The following SNX24 variants were observed in gnomAD, a reference collection of about 807,000 sequenced individuals.
SNX24 encodes sorting nexin 24, also known as sorting nexin-24.
SNX24 carries 22 observed loss-of-function variants against 28.7 expected under a neutral mutation model. The ratio of observed to expected loss-of-function variants is 0.77; its 90% CI spans 0.55 to 1.10. The LOEUF (loss-of-function observed/expected upper bound fraction) is 1.10, where lower values mean the gene tolerates loss of function less well. Ranked by LOEUF, SNX24 falls within the 50% of genes least tolerant of loss-of-function variation. SNX24 has a pLI of 0.00. For synonymous variants in SNX24, 69 were observed against 71.5 expected (o/e 0.96, Z 0.18); for missense variants, 221 against 201.1 (o/e 1.10, Z -0.60).
At chr5:122,992,390 C>T (rs1761892176) in intron 3 of SNX24, among the ~76,000 whole-genome samples, 1 of 152,142 alleles carries the variant, frequency 6.6e-6, no homozygotes, top group African/African-American at 2.4e-5. Flanking sequence ...GAAAAAAATC[C>T]TTCACATGAT....
chr5:122,877,461 C>CA (rs1756276770), intron 1 of SNX24, among the ~76,000 whole-genome samples: 1 of 152,088 alleles, frequency 6.6e-6, no homozygotes. Flanking sequence ...TGGACTGGGA[C>CA]AGTGGCATGG....
intron 1 of SNX24, among the ~76,000 whole-genome samples, chr5:122,893,141 T>C (rs1464439615): frequency 2.0e-5 from 3 of 151,422 alleles, no homozygotes; most frequent in Non-Finnish European, 4.4e-5. Context: ...CTCTCTTGTA[T>C]TTCTATAGAC....
rs182207900 is a variant in SNX24 at position 122,955,329 on chromosome 5, A to G, written c.249+9170A>G. 4.6e-5 allele frequency among the ~76,000 whole-genome samples: 7 copies of G among 152,102 alleles called. 1 individual carries two copies. The highest frequency in any genetic ancestry group is 2.1e-4 in the South Asian group (1 of 4,820). On this transcript the variant is annotated intron_variant, in intron 3 of 6. Coordinates refer to ENST00000261369, the MANE Select transcript of SNX24 (RefSeq NM_014035.4). Reference sequence around the variant, plus strand: ...TATAATTACTCACTGAAAAGTTTTTATTGTGGCTGCTTTAAAATCATTGTC... The same window carrying G: ...TATAATTACTCACTGAAAAGTTTTTGTTGTGGCTGCTTTAAAATCATTGTC...
intron 3 of SNX24, among the ~76,000 whole-genome samples, chr5:122,991,761 G>A (rs535217688): frequency 1.3e-5 from 2 of 152,146 alleles, no homozygotes; most frequent in South Asian, 2.1e-4. Context: ...GCACCCAGTC[G>A]TTTTGTTGTT....
At chr5:122,993,818 T>A (rs1414543087) in intron 3 of SNX24, among the ~76,000 whole-genome samples, 1 of 152,190 alleles carries the variant, frequency 6.6e-6, no homozygotes, top group South Asian at 2.1e-4. Context: ...GCCGTATCTC[T>A]GAAGTAGATA....
chr5:122,847,243 A>G (rs953781441), intron 1 of SNX24, among the ~76,000 whole-genome samples: 1 of 152,194 alleles, frequency 6.6e-6, no homozygotes, highest in Admixed American at 6.5e-5. Flanking sequence ...CTCATTGCCC[A>G]TTGTTGATTT....
intron 3 of SNX24, among the ~76,000 whole-genome samples, chr5:122,956,309 C>T (rs1760207442): frequency 6.6e-6 from 1 of 150,472 alleles, no homozygotes; most frequent in Non-Finnish European, 1.5e-5. Context: ...CTTAGTTGTC[C>T]ATCTGCTGTA....
chr5:122,943,413 C>G (rs1051452340), intron 2 of SNX24, among the ~76,000 whole-genome samples: 2 of 152,186 alleles, frequency 1.3e-5, no homozygotes, highest in African/African-American at 4.8e-5. Context: ...TTCCCATCAT[C>G]TGGCACAGCC....
At chr5:122,869,368 T>C (rs1458721567) in intron 1 of SNX24, among the ~76,000 whole-genome samples, 1 of 152,210 alleles carries the variant, frequency 6.6e-6, no homozygotes, top group Non-Finnish European at 1.5e-5. Context: ...GAATAACAAA[T>C]ACTGGTTAGA....
At chr5:123,002,564 G>C (rs1039969510) in intron 6 of SNX24, among the ~76,000 whole-genome samples, 1 of 152,140 alleles carries the variant, frequency 6.6e-6, no homozygotes, top group Non-Finnish European at 1.5e-5. Flanking sequence ...CCCGGGAGGC[G>C]GAGCTTGCAG....
Position 122,968,272 on chromosome 5 carries a change from G to A in SNX24, c.249+22113G>A, listed in dbSNP as rs547962344. Among the ~76,000 whole-genome samples, 58 of 152,252 alleles carry A rather than the reference G, an allele frequency of 3.8e-4. No individual in the cohort carries two copies. The South Asian group carries it at 0.01, about 27-fold the overall frequency. The stretch of plus-strand genomic sequence containing the variant: ...TGAGGCAGGAGAATGGCTTGAACCT[G>A]GGAGGCGGAGATTGCAGCAAGCTGA... On this transcript the variant is annotated intron_variant, in intron 3 of 6. Coordinates refer to ENST00000261369, the MANE Select transcript of SNX24 (RefSeq NM_014035.4).
intron 1 of SNX24, 76 bp from the exon 2 acceptor site, chr5:122,936,658 A>G: frequency 2.3e-6 from 2 of 853,896 alleles, no homozygotes; most frequent in African/African-American, 1.7e-5. Context: ...GAAATATATC[A>G]TGGTCACAAA....
chr5:122,848,287 G>A (rs911419646), intron 1 of SNX24, among the ~76,000 whole-genome samples: 4 of 152,074 alleles, frequency 2.6e-5, no homozygotes, highest in Non-Finnish European at 4.4e-5. Context: ...GTAGAGATGG[G>A]ATCTCACTAT....
chr5:123,012,095 T>G (rs562675956), downstream of SNX24, among the ~76,000 whole-genome samples: 3 of 152,292 alleles, frequency 2.0e-5, no homozygotes, highest in African/African-American at 7.2e-5. Context: ...CTTCCTGCCA[T>G]CATGTGAAGA....
At chr5:122,922,055 T>A (rs1446791891) in intron 1 of SNX24, among the ~76,000 whole-genome samples, 4 of 152,228 alleles carry the variant, frequency 2.6e-5, no homozygotes, top group African/African-American at 9.6e-5. Context: ...TGACAGTGAT[T>A]CATGCTGAGG....
intron 3 of SNX24, among the ~76,000 whole-genome samples, chr5:122,981,878 T>G (rs1036790164): frequency 6.6e-6 from 1 of 152,200 alleles, no homozygotes; most frequent in Non-Finnish European, 1.5e-5. Context: ...CTCATCCATT[T>G]CAGGTTTGGA....
chr5:123,026,052 A>G (rs1762848481), intron 5 of SNX24: 2 of 1,183,530 alleles, frequency 1.7e-6, no homozygotes, highest in Admixed American at 6.2e-5. Flanking sequence ...TAGAGGAATC[A>G]ATTACTAGAA....
chr5:122,881,527 C>T (rs1255419517), intron 1 of SNX24, among the ~76,000 whole-genome samples: 6 of 152,136 alleles, frequency 3.9e-5, no homozygotes, highest in Non-Finnish European at 7.4e-5. Context: ...AGCTCAGGAT[C>T]TCAGGCTTAG....
At chr5:122,876,479 T>C (rs533479537) in intron 1 of SNX24, among the ~76,000 whole-genome samples, 1 of 152,334 alleles carries the variant, frequency 6.6e-6, no homozygotes, top group South Asian at 2.1e-4. Context: ...ATTTAACCTC[T>C]TGTGATCTTA....
Sources: allele counts gnomAD v4.1 joint callset (sites outside exome capture counted in the v4.1 genomes callset), GRCh38; gene constraint gnomAD v4.1.1; transcripts MANE v1.5; gene names NCBI Gene and HGNC (gene_info 2026-07-23, HGNC 2026-07-21).